BRWD1: variants seen among roughly 807,000 people sequenced by gnomAD.
BRWD1 encodes the protein bromodomain and WD repeat domain containing 1, also known as bromodomain and WD repeat-containing protein 1.
Under a neutral mutation model 251.2 loss-of-function variants are expected in BRWD1, and 82 were observed. The ratio of observed to expected loss-of-function variants is 0.33; its 90% CI spans 0.27 to 0.39. The LOEUF is 0.39. BRWD1 is among the 10% of genes least tolerant of loss of function. BRWD1 has a pLI of 1.00. For synonymous variants in BRWD1, 918 were observed against 902.8 expected (o/e 1.02, Z -0.30); for missense variants, 2,233 against 2,711.6 (o/e 0.82, Z 3.92).
rs2031726970 is a variant in BRWD1 at position 39,194,813 on chromosome 21, G to A, written c.*1446C>T. 4 of 1,534,402 alleles carry A rather than the reference G, an allele frequency of 2.6e-6. No individual in the cohort carries two copies. The highest frequency in any genetic ancestry group is 3.5e-6 in the Non-Finnish European group (4 of 1,145,664). On this transcript the variant is annotated 3_prime_UTR_variant, in exon 41 of 41. Coordinates refer to ENST00000342449, the MANE Select transcript of BRWD1 (RefSeq NM_033656.4). ...TGTCTAATATTGATACCAGTCTGAT[G>A]CTTCACCTTATCTGCCACTTCAAAG...
At chr21:39,210,197 G>A in intron 35 of BRWD1, 50 bp from the exon 36 acceptor site, 1 of 1,463,468 alleles carries the variant, frequency 6.8e-7, no homozygotes, top group Non-Finnish European at 9.4e-7. Flanking sequence ...CTTGCTTTTA[G>A]AAATGTAAAT....
At chr21:39,217,059 A>ATTT (rs2032961271) in intron 31 of BRWD1, 1 of 12,166 alleles carries the variant, frequency 8.2e-5, no homozygotes, top group Non-Finnish European at 1.8e-4. Context: ...ATTTATATAT[A>ATTT]TATATATATA....
intron 21 of BRWD1, among the ~76,000 whole-genome samples, chr21:39,240,204 A>C: frequency 6.6e-6 from 1 of 152,110 alleles, no homozygotes. Context: ...TAAAACTATG[A>C]AGACAAAAAA....
In BRWD1 at chr21:39,247,689, T is replaced by C. The variant is rs773354753; in HGVS notation, c.2481+12A>G. On this transcript the variant is annotated intron_variant, in intron 21 of 40. Coordinates refer to ENST00000342449, the MANE Select transcript of BRWD1 (RefSeq NM_033656.4). ...AAGATTATCTTATAACATTTTAAAGTTTTCCACTCACATGTCTTACAGAGC... is the reference window on the plus strand; with the variant it reads ...AAGATTATCTTATAACATTTTAAAGCTTTCCACTCACATGTCTTACAGAGC... 1.0e-5 allele frequency: 16 copies of C among 1,590,544 alleles called. No homozygotes were observed. In the Admixed American group the frequency reaches 2.8e-4, roughly 28 times the overall value.
chr21:39,312,278 T>C (rs1449456008), intron 4 of BRWD1, among the ~76,000 whole-genome samples: 2 of 152,192 alleles, frequency 1.3e-5, no homozygotes, highest in Non-Finnish European at 2.9e-5. Flanking sequence ...TCAACAAATA[T>C]TGTACAGTAG....
rs1402477436 is a variant in BRWD1, at chr21:39,313,485, C to T, written c.7G>A (p.Glu3Lys). Residue 3 changes from glutamate to lysine, a missense_variant, in exon 1 of 41, where the codon GAG becomes AAG. Physicochemically the swap from Glu to Lys is moderately conservative, Grantham distance 56 (BLOSUM62 1). Around this residue, in one of 12 missense-constraint regions of BRWD1, gnomAD observed 101 missense variants for 95.6 expected, o/e 1.06. Coordinates refer to ENST00000342449, the MANE Select transcript of BRWD1 (RefSeq NM_033656.4). ...ACCGGGCGTCGGGCGGACGACGGCT[C>T]CGCCATGGCCGGGCGCGGGGCGGGA... MA[E>K]PSSARRPVPL... 12 of 1,336,150 alleles carry T rather than the reference C, an allele frequency of 9.0e-6. No homozygotes were observed. The highest frequency in any genetic ancestry group is 1.0e-5 in the Non-Finnish European group (11 of 1,050,064). The allele number at this position is 1,336,150 out of a possible 1,614,324, so 82.8% of individuals were successfully genotyped here.
Position 39,187,785 on chromosome 21 carries a change from C to G in BRWD1, c.*8474G>C. 1 of 985,172 alleles carries G rather than the reference C, an allele frequency of 1.0e-6. No homozygotes were observed. The highest frequency in any genetic ancestry group is 1.2e-6 in the Non-Finnish European group (1 of 829,816). 61.0% of individuals were successfully genotyped at this position (985,172 alleles called of 1,614,324 possible). ...TATTTTCTGACCTAGGTATGTGACACACGAGATTCAGATTAAAATTCTAAA... is the reference window on the plus strand; with the variant it reads ...TATTTTCTGACCTAGGTATGTGACAGACGAGATTCAGATTAAAATTCTAAA... On this transcript the variant is annotated 3_prime_UTR_variant, in exon 41 of 41. Coordinates refer to ENST00000342449, the MANE Select transcript of BRWD1 (RefSeq NM_033656.4).
Position 39,313,087 on chromosome 21 carries a change from C to T in BRWD1, c.123G>A (p.Glu41=), listed in dbSNP as rs1261009173. ...CRRAAQVLVQ[E]LEQYQLLPKR... is the part of the protein sequence containing the mutation. ...GCGCACAGACCTGGTACTGCTCCAGCTCCTGCACCAGCACCTGCGGCCGAG... is the reference window on the plus strand; with the variant it reads ...GCGCACAGACCTGGTACTGCTCCAGTTCCTGCACCAGCACCTGCGGCCGAG... The change falls in exon 3 of 41, where the codon GAG becomes GAA. Residue 41 remains glutamate, a synonymous_variant. Coordinates refer to ENST00000342449, the MANE Select transcript of BRWD1 (RefSeq NM_033656.4). 8.0e-6 allele frequency: 12 copies of T among 1,491,316 alleles called. No homozygotes were observed. The highest frequency in any genetic ancestry group is 4.4e-5 in the African/African-American group (3 of 68,186). The allele number at this position is 1,491,316 out of a possible 1,614,324, so 92.4% of individuals were successfully genotyped here.
In BRWD1 at chr21:39,218,531, C is replaced by A; in HGVS notation, c.3512G>T (p.Ser1171Ile). The A allele has an allele frequency of 6.2e-7, 1 of 1,606,998 alleles. No individual in the cohort carries two copies. The change falls in exon 30 of 41, where the codon AGT becomes ATT. Residue 1171 changes from serine to isoleucine, a missense_variant. Ser to Ile is a moderately radical substitution (Grantham distance 142). This residue lies in a region of BRWD1 where 167 missense variants were observed against 183.2 expected (regional missense o/e 0.91). Coordinates refer to ENST00000342449, the MANE Select transcript of BRWD1 (RefSeq NM_033656.4). ...AAGATTCAAAAGTTGATCTATACCA[C>A]TGATAATTCTATCACATTCTTCATC... ...SRDEECDRII[S>I]GIDQLLNLDI... is the part of the protein sequence containing the mutation.
intron 8 of BRWD1, among the ~76,000 whole-genome samples, chr21:39,292,051 T>A (rs1403454495): frequency 7.0e-6 from 1 of 142,140 alleles, no homozygotes; most frequent in Non-Finnish European, 1.5e-5. Flanking sequence ...GCTCAAGCAA[T>A]CCTCCCTCAA....
chr21:39,200,043 G>T (rs530749261), intron 39 of BRWD1, among the ~76,000 whole-genome samples, 176 bp downstream of exon 39: 2 of 152,176 alleles, frequency 1.3e-5, no homozygotes, highest in Admixed American at 6.5e-5. Flanking sequence ...GTGAGCCACC[G>T]CACCCAGCCT....
At chr21:39,219,200 C>T (rs768661254) in intron 29 of BRWD1, among the ~76,000 whole-genome samples, 39 of 152,072 alleles carry the variant, frequency 2.6e-4, no homozygotes, top group South Asian at 1.2e-3. Context: ...GTGGGTGGAT[C>T]GCCTGAGGTC....
At chr21:39,313,148 G>C (rs947344231) in intron 2 of BRWD1, 47 bp from the exon 3 acceptor site, 53 of 1,493,084 alleles carry the variant, frequency 3.5e-5, no homozygotes, top group Admixed American at 4.6e-5. Context: ...GGCCCGGGGC[G>C]CTCCCGTTTC....
At chr21:39,262,932 A>G (rs2034802462) in intron 17 of BRWD1, among the ~76,000 whole-genome samples, 1 of 151,774 alleles carries the variant, frequency 6.6e-6, no homozygotes, top group African/African-American at 2.4e-5. Context: ...CCTGGGCAAC[A>G]TGGCAAAACC....
At chr21:39,298,133 A>G (rs1365722593) in intron 5 of BRWD1, 9 of 1,039,226 alleles carry the variant, frequency 8.7e-6, no homozygotes, top group Middle Eastern at 4.5e-4. Context: ...GTTATGAGTG[A>G]GCTACAAAAT....
intron 38 of BRWD1, 31 bp from the exon 39 acceptor site, chr21:39,200,417 ATATTCT>A: frequency 6.3e-7 from 1 of 1,583,850 alleles, no homozygotes; most frequent in Non-Finnish European, 8.6e-7. Flanking sequence ...ATAGTTACAT[ATATTCT>A]CCTGTCTTTA....
intron 8 of BRWD1, 143 bp downstream of exon 8, chr21:39,293,668 T>C (rs2146747760): frequency 1.5e-6 from 1 of 664,534 alleles, no homozygotes; most frequent in Non-Finnish European, 2.5e-6. Context: ...CCATGATTTG[T>C]ATGATTTGTA....
rs1014328968 is a variant in BRWD1, at chr21:39,218,324, T to C, written c.3539-52A>G. Reference sequence around the variant, plus strand: ...AATCAATAAATCCATTGCCTCTAAGTGGTACTTCTCTAGAAATCATTCATA... The same window carrying C: ...AATCAATAAATCCATTGCCTCTAAGCGGTACTTCTCTAGAAATCATTCATA... On this transcript the variant is annotated intron_variant, in intron 30 of 40. Coordinates refer to ENST00000342449, the MANE Select transcript of BRWD1 (RefSeq NM_033656.4). 7 of 1,553,992 alleles carry C rather than the reference T, an allele frequency of 4.5e-6. No individual in the cohort carries two copies. In the Middle Eastern group the frequency reaches 6.9e-4, roughly 154 times the overall value.
rs1024648488 is a variant in BRWD1 at position 39,196,043 on chromosome 21, A to C, written c.*216T>G. ...TACTGTCAAAATAGATCTGCCCCCA[A>C]AATGAAGCATATTTTGGCACCTGTG... On this transcript the variant is annotated 3_prime_UTR_variant, in exon 41 of 41. Transcript: ENST00000342449. 1 of 1,273,274 alleles carries C rather than the reference A, an allele frequency of 7.9e-7. No individual in the cohort carries two copies. The highest frequency in any genetic ancestry group is 9.9e-7 in the Non-Finnish European group (1 of 1,011,172). The allele number at this position is 1,273,274 out of a possible 1,614,324, so 78.9% of individuals were successfully genotyped here.
Sources: gnomAD v4.1 joint callset for allele counts (sites outside exome capture counted in the v4.1 genomes callset) on GRCh38, gnomAD v4.1.1 for gene constraint, gnomAD v4.1.1 regional missense constraint, MANE v1.5 for transcripts, NCBI Gene and HGNC (gene_info 2026-07-23, HGNC 2026-07-21) for gene names.